The following NPSR1 variants were observed in gnomAD, a reference collection of about 807,000 sequenced individuals.
NPSR1 encodes the protein neuropeptide S receptor 1.
NPSR1 carries 48 observed loss-of-function variants against 46.9 expected under a neutral mutation model. The ratio of observed to expected loss-of-function variants is 1.02; its 90% CI spans 0.81 to 1.30. The LOEUF is 1.30. NPSR1 is among the 50% of genes most tolerant of loss of function. The pLI is 0.00. For missense variants in NPSR1, 450 were observed against 449.5 expected, an observed-to-expected ratio of 1.00 and a Z score of -0.01; for synonymous variants, 176 against 168.1, an observed-to-expected ratio of 1.05 and a Z score of -0.36.
At chr7:34,701,507 T>G (rs182461696) in intron 2 of NPSR1, among the ~76,000 whole-genome samples, 21 of 152,296 alleles carry the variant, frequency 1.4e-4, no homozygotes, top group African/African-American at 5.1e-4. Flanking sequence ...AAATCTCTTT[T>G]AGGAGTATTC....
chr7:34,869,735 G>C (rs1165536368), intron 8 of NPSR1, among the ~76,000 whole-genome samples: 3 of 151,744 alleles, frequency 2.0e-5, no homozygotes, highest in East Asian at 3.9e-4. Flanking sequence ...GTAAACCAAA[G>C]ACCAAAAGTC....
intron 3 of NPSR1, among the ~76,000 whole-genome samples, chr7:34,792,688 TG>T (rs1562733259): frequency 0.015 from 1,761 of 114,906 alleles, 64 homozygotes; most frequent in African/African-American, 0.041. Flanking sequence ...TATATATATA[TG>T]TATATATATA....
intron 4 of NPSR1, among the ~76,000 whole-genome samples, chr7:34,821,511 G>A (rs1481416508): frequency 6.6e-6 from 1 of 152,116 alleles, no homozygotes; most frequent in Admixed American, 6.5e-5. Context: ...GGACATCGAC[G>A]CCAAAGTATT....
At chr7:34,845,525 G>C (rs1366106321) in intron 7 of NPSR1, 2 of 453,994 alleles carry the variant, frequency 4.4e-6, no homozygotes, top group African/African-American at 2.0e-5. Flanking sequence ...CTCTCCGGTG[G>C]TGCCCCGGCT....
chr7:34,783,630 A>G (rs892003090), intron 3 of NPSR1, among the ~76,000 whole-genome samples: 1 of 152,288 alleles, frequency 6.6e-6, no homozygotes, highest in East Asian at 1.9e-4. Flanking sequence ...AAATCTGGGG[A>G]AAGATACAAA....
intron 2 of NPSR1, among the ~76,000 whole-genome samples, chr7:34,749,915 C>G (rs570610178): frequency 6.6e-6 from 1 of 152,138 alleles, no homozygotes; most frequent in East Asian, 1.9e-4. Flanking sequence ...TGTTCCTGGA[C>G]CAAATAGGGT....
At chr7:34,663,065 C>CTGTG (rs1486944625) in intron 1 of NPSR1, among the ~76,000 whole-genome samples, 1 of 90,586 alleles carries the variant, frequency 1.1e-5, no homozygotes, top group Non-Finnish European at 2.0e-5. Context: ...CTCTCTCTCT[C>CTGTG]TCTGTGTGTG....
intron 2 of NPSR1, among the ~76,000 whole-genome samples, chr7:34,734,454 T>G (rs1784576646): frequency 6.6e-6 from 1 of 152,050 alleles, no homozygotes; most frequent in South Asian, 2.1e-4. Context: ...TTGAACAGCA[T>G]GGATGATAGG....
chr7:34,761,354 CA>C (rs543726308), intron 2 of NPSR1, among the ~76,000 whole-genome samples: 45 of 152,148 alleles, frequency 3.0e-4, no homozygotes, highest in African/African-American at 1.1e-3. Flanking sequence ...GAGGTTGTAC[CA>C]AGAATAGCAT....
chr7:34,825,596 G>A (rs1372206433), intron 4 of NPSR1, among the ~76,000 whole-genome samples: 2 of 152,130 alleles, frequency 1.3e-5, no homozygotes, highest in African/African-American at 4.8e-5. Flanking sequence ...CAGAGAAAGA[G>A]GCCTCCCTGA....
At chr7:34,766,800 C>T (rs1238603238) in intron 2 of NPSR1, among the ~76,000 whole-genome samples, 1 of 152,134 alleles carries the variant, frequency 6.6e-6, no homozygotes, top group African/African-American at 2.4e-5. Flanking sequence ...GTCTCGATCT[C>T]CCGACCTCGT....
chr7:34,737,210 C>T (rs760298720), intron 2 of NPSR1, among the ~76,000 whole-genome samples: 8 of 152,174 alleles, frequency 5.3e-5, no homozygotes, highest in Non-Finnish European at 1.2e-4. Context: ...GTTAAACCAT[C>T]TTCTCATGTT....
intron 7 of NPSR1, among the ~76,000 whole-genome samples, chr7:34,847,460 G>A (rs1040742350): frequency 2.0e-5 from 3 of 152,114 alleles, no homozygotes; most frequent in Non-Finnish European, 4.4e-5. Flanking sequence ...TACTGAGGCT[G>A]AGAATTCCCA....
In NPSR1 at chr7:34,856,245, A is replaced by G. The variant is rs114987743; in HGVS notation, c.1025+7582A>G. ...TATAGATATAAATATATAGCTGAATATCCAAAATAATATACAGATAAATTA... is the reference window on the plus strand; with the variant it reads ...TATAGATATAAATATATAGCTGAATGTCCAAAATAATATACAGATAAATTA... On this transcript the variant is annotated intron_variant, in intron 8 of 8. Transcript: ENST00000359791. Among the ~76,000 whole-genome samples the G allele has an allele frequency of 5.9e-3, 890 of 151,970 alleles. 36 individuals are homozygous for G. Among genetic ancestry groups the G allele is most frequent in the African/African-American group, 0.021 (849 of 41,274 alleles).
At chr7:34,677,673 C>G (rs1583787587) in intron 1 of NPSR1, among the ~76,000 whole-genome samples, 1 of 152,186 alleles carries the variant, frequency 6.6e-6, no homozygotes, top group East Asian at 1.9e-4. Context: ...GATTCGTCTG[C>G]TCTCTGACAG....
intron 2 of NPSR1, among the ~76,000 whole-genome samples, chr7:34,757,195 C>A (rs965595914): frequency 6.6e-6 from 1 of 152,148 alleles, no homozygotes; most frequent in Non-Finnish European, 1.5e-5. Flanking sequence ...ACAATTGCAT[C>A]AAGCTCCAAT....
chr7:34,873,002 T>C (rs1791493811), intron 8 of NPSR1, among the ~76,000 whole-genome samples: 2 of 150,474 alleles, frequency 1.3e-5, no homozygotes, highest in South Asian at 4.1e-4. Flanking sequence ...CTTGAACACT[T>C]TGCTGCTTAG....
intron 2 of NPSR1, among the ~76,000 whole-genome samples, chr7:34,697,054 C>T (rs1793567221): frequency 6.6e-6 from 1 of 151,766 alleles, no homozygotes; most frequent in Non-Finnish European, 1.5e-5. Context: ...TAATTTGAGG[C>T]TGGGGGTGGG....
intron 2 of NPSR1, among the ~76,000 whole-genome samples, chr7:34,725,097 A>ACT (rs1313265389): frequency 1.6e-5 from 2 of 123,602 alleles, no homozygotes; most frequent in African/African-American, 3.5e-5. Flanking sequence ...ACACACACAG[A>ACT]CTCACACACA....
Sources: allele counts gnomAD v4.1 joint callset (sites outside exome capture counted in the v4.1 genomes callset), GRCh38; gene constraint gnomAD v4.1.1; transcripts MANE v1.5; gene names NCBI Gene and HGNC (gene_info 2026-07-23, HGNC 2026-07-21).